Variants in PRDM5 observed in about 807,000 individuals in gnomAD.
The protein encoded by PRDM5 is PR/SET domain 5.
A neutral mutation model predicts 81.2 loss-of-function variants in PRDM5; 56 were observed. That is an observed-to-expected ratio of 0.69 (90% confidence interval 0.56 to 0.86). The LOEUF is 0.86. Ranked by LOEUF, PRDM5 falls within the 40% of genes least tolerant of loss-of-function variation. The pLI is 0.00. For synonymous variants in PRDM5, 267 were observed against 256.4 expected, an observed-to-expected ratio of 1.04 and a Z score of -0.39; for missense variants, 697 against 770.1, an observed-to-expected ratio of 0.91 and a Z score of 1.12.
At chr4:120,885,443 T>A (rs993376523) in intron 2 of PRDM5, 2 of 152,142 alleles carry the variant, frequency 1.3e-5, no homozygotes, top group African/African-American at 2.4e-5. Context: ...CCTTCCTCAT[T>A]ATTTAACAAG....
chr4:120,731,214 T>C (rs1740201000), intron 14 of PRDM5, among the ~76,000 whole-genome samples: 1 of 151,058 alleles, frequency 6.6e-6, no homozygotes, highest in South Asian at 2.1e-4. Flanking sequence ...TTTTTACAGG[T>C]GTAATTTGAG....
intron 3 of PRDM5, among the ~76,000 whole-genome samples, chr4:120,834,970 T>A (rs1757167061): frequency 6.6e-6 from 1 of 152,210 alleles, no homozygotes. Flanking sequence ...CAGTTCTTCT[T>A]CCTGACTCAC....
At chr4:120,719,547 C>G (rs1464057947) in intron 14 of PRDM5, among the ~76,000 whole-genome samples, 1 of 152,024 alleles carries the variant, frequency 6.6e-6, no homozygotes, top group Non-Finnish European at 1.5e-5. Flanking sequence ...CTTAGGATGC[C>G]CATAATTCAA....
At chr4:120,912,794 T>A (rs1045520401) in intron 1 of PRDM5, among the ~76,000 whole-genome samples, 1 of 152,140 alleles carries the variant, frequency 6.6e-6, no homozygotes, top group Non-Finnish European at 1.5e-5. Flanking sequence ...AAAATATACA[T>A]ATAGATGAAA....
chr4:120,834,145 T>G (rs1350618628), intron 3 of PRDM5, among the ~76,000 whole-genome samples: 1 of 152,196 alleles, frequency 6.6e-6, no homozygotes, highest in Non-Finnish European at 1.5e-5. Flanking sequence ...GCCTATGGAT[T>G]GCACATTTGA....
In PRDM5 at chr4:120,798,342, G is replaced by A. The variant is rs148079992; in HGVS notation, c.1113C>T (p.Ser371=). 8.7e-6 allele frequency: 14 copies of A among 1,612,546 alleles called. No homozygotes were observed. The Admixed American group carries it at 1.3e-4, about 15-fold the overall frequency. Residue 371 remains serine (S), a synonymous_variant, in exon 10 of 16, where the codon AGC becomes AGT. Transcript: ENST00000264808. ...GTTTGCATTTGTAAGGTTTGTCTTC[G>A]CTGTGTATTACTTTGTGAGCACCCA... ...DQVGAHKVIH[S]EDKPYKCKLC...
intron 13 of PRDM5, among the ~76,000 whole-genome samples, chr4:120,769,767 C>T (rs746478223): frequency 2.0e-5 from 3 of 152,142 alleles, no homozygotes; most frequent in Non-Finnish European, 4.4e-5. Context: ...GAAATAATGA[C>T]ATTCAGCTTC....
At chr4:120,914,581 C>T (rs1405924150) in intron 1 of PRDM5, among the ~76,000 whole-genome samples, 1 of 152,130 alleles carries the variant, frequency 6.6e-6, no homozygotes, top group Non-Finnish European at 1.5e-5. Context: ...CCTCAGGAAA[C>T]AGAATCATGG....
intron 7 of PRDM5, among the ~76,000 whole-genome samples, chr4:120,813,431 G>A (rs187721615): frequency 6.6e-6 from 1 of 152,188 alleles, no homozygotes; most frequent in African/African-American, 2.4e-5. Context: ...ATATTTTGAA[G>A]CAAATCTAAA....
At chr4:120,796,228 T>C (rs1049037906) in intron 10 of PRDM5, among the ~76,000 whole-genome samples, 1 of 152,216 alleles carries the variant, frequency 6.6e-6, no homozygotes, top group Non-Finnish European at 1.5e-5. Context: ...TGTTTTTACA[T>C]GATTCTTGGA....
At chr4:120,732,554 G>C (rs1387652643) in intron 14 of PRDM5, among the ~76,000 whole-genome samples, 1 of 151,980 alleles carries the variant, frequency 6.6e-6, no homozygotes, top group Non-Finnish European at 1.5e-5. Flanking sequence ...GAAAATAACT[G>C]ATCTCTGAGG....
chr4:120,867,390 T>C (rs916543575), intron 2 of PRDM5, among the ~76,000 whole-genome samples: 2 of 152,214 alleles, frequency 1.3e-5, no homozygotes, highest in Non-Finnish European at 2.9e-5. Context: ...CATATGTTTC[T>C]ACATTTCCCA....
At chr4:120,756,755 T>G (rs764583852) in intron 13 of PRDM5, among the ~76,000 whole-genome samples, 3 of 152,242 alleles carry the variant, frequency 2.0e-5, no homozygotes, top group Non-Finnish European at 4.4e-5. Flanking sequence ...TTTTCAAAGT[T>G]TATTTTACTT....
intron 13 of PRDM5, among the ~76,000 whole-genome samples, chr4:120,754,873 A>G (rs183948564): frequency 7.7e-4 from 118 of 152,310 alleles, no homozygotes; most frequent in African/African-American, 2.7e-3. Context: ...GATACTCAAA[A>G]ATAAACATTT....
chr4:120,872,474 A>G (rs1004171652), intron 2 of PRDM5, among the ~76,000 whole-genome samples: 1 of 152,200 alleles, frequency 6.6e-6, no homozygotes, highest in East Asian at 1.9e-4. Context: ...CTGTATGATT[A>G]TACTTATATG....
chr4:120,696,702 AT>A (rs141861520), intron 15 of PRDM5, among the ~76,000 whole-genome samples: 6,118 of 150,588 alleles, frequency 0.041, 293 homozygotes, highest in African/African-American at 0.12. Context: ...GTCAGTGTAC[AT>A]TTTTTTTTTC....
chr4:120,881,599 C>T (rs1312085333), intron 2 of PRDM5, among the ~76,000 whole-genome samples: 1 of 152,104 alleles, frequency 6.6e-6, no homozygotes, highest in Non-Finnish European at 1.5e-5. Context: ...TATGAGAAAA[C>T]TAACCATATA....
intron 5 of PRDM5, among the ~76,000 whole-genome samples, chr4:120,817,455 T>A (rs1754680792): frequency 6.6e-6 from 1 of 152,070 alleles, no homozygotes; most frequent in Non-Finnish European, 1.5e-5. Context: ...AAGGTAACAT[T>A]CTGTTAAAAT....
At chr4:120,857,507 T>C (rs1760018638) in intron 2 of PRDM5, among the ~76,000 whole-genome samples, 3 of 152,234 alleles carry the variant, frequency 2.0e-5, no homozygotes, top group Non-Finnish European at 4.4e-5. Context: ...TGGCAGGGTC[T>C]AGCCTCTGTT....
Sources: gnomAD v4.1 joint callset for allele counts (sites outside exome capture counted in the v4.1 genomes callset) on GRCh38, gnomAD v4.1.1 for gene constraint, MANE v1.5 for transcripts, NCBI Gene and HGNC (gene_info 2026-07-23, HGNC 2026-07-21) for gene names.